The following EPB41L4A variants were observed in gnomAD, a reference collection of about 807,000 sequenced individuals.
The protein encoded by EPB41L4A is erythrocyte membrane protein band 4.1 like 4A.
EPB41L4A carries 100 observed loss-of-function variants against 108.6 expected under a neutral mutation model. The ratio of observed to expected loss-of-function variants is 0.92; its 90% CI spans 0.78 to 1.09. The LOEUF (loss-of-function observed/expected upper bound fraction) is 1.09. EPB41L4A is among the 50% of genes least tolerant of loss of function. The pLI, the probability that EPB41L4A is intolerant of heterozygous loss-of-function variation, is 0.00. For missense variants in EPB41L4A, 1,030 were observed against 842.7 expected, an observed-to-expected ratio of 1.22 and a Z score of -2.75; for synonymous variants, 319 against 289.0, an observed-to-expected ratio of 1.10 and a Z score of -1.05.
chr5:112,201,759 T>C (rs1047896927), intron 15 of EPB41L4A, among the ~76,000 whole-genome samples: 1 of 152,184 alleles, frequency 6.6e-6, no homozygotes, highest in African/African-American at 2.4e-5. Flanking sequence ...AACCAACTCT[T>C]GGTGTTCCCA....
intron 18 of EPB41L4A, among the ~76,000 whole-genome samples, chr5:112,181,391 G>T (rs956404035): frequency 6.6e-6 from 1 of 152,002 alleles, no homozygotes; most frequent in Non-Finnish European, 1.5e-5. Context: ...GGCGGAGCTT[G>T]CAGTGAGCCG....
chr5:112,365,719 C>T (rs1446891231), intron 1 of EPB41L4A, among the ~76,000 whole-genome samples: 6 of 152,194 alleles, frequency 3.9e-5, no homozygotes, highest in African/African-American at 1.4e-4. Context: ...TATCATATTA[C>T]ATTTCATCAT....
intron 1 of EPB41L4A, among the ~76,000 whole-genome samples, chr5:112,374,903 C>T (rs1164854994): frequency 6.6e-6 from 1 of 152,204 alleles, no homozygotes; most frequent in Non-Finnish European, 1.5e-5. Context: ...CTGAGTTTGA[C>T]AGCAAACTTC....
Position 112,259,254 on chromosome 5 carries a change from A to T in EPB41L4A, c.770T>A (p.Phe257Tyr). ...ATCTTTTCCCAGTACTCTGAGTTCA[A>T]ATTGAGTCTCCTTGAAGTGAACCTT... is the stretch of plus-strand genomic sequence containing the variant. ...ITKVHFKETQFELRVLGKDCN... is the reference protein window; with the variant it reads ...ITKVHFKETQYELRVLGKDCN... Residue 257 changes from phenylalanine to tyrosine, a missense_variant, in exon 9 of 23, where the codon TTT becomes TAT. Transcript: ENST00000261486. The T allele has an allele frequency of 1.9e-6, 3 of 1,613,948 alleles. No individual in the cohort carries two copies. The highest frequency in any genetic ancestry group is 1.7e-6 in the Non-Finnish European group (2 of 1,179,832).
intron 1 of EPB41L4A, among the ~76,000 whole-genome samples, chr5:112,344,757 C>G (rs539281465): frequency 3.0e-4 from 45 of 152,194 alleles, no homozygotes; most frequent in Non-Finnish European, 5.1e-4. Context: ...CTATGGAAGT[C>G]AGACTCACTG....
At chr5:112,290,349 A>G (rs1753566485) in intron 2 of EPB41L4A, among the ~76,000 whole-genome samples, 1 of 152,150 alleles carries the variant, frequency 6.6e-6, no homozygotes, top group Admixed American at 6.5e-5. Context: ...TCCTGCCAAC[A>G]TATGCCTGTC....
intron 6 of EPB41L4A, 113 bp from the exon 7 acceptor site, chr5:112,262,694 T>C (rs1751580685): frequency 6.7e-6 from 6 of 899,758 alleles, no homozygotes; most frequent in East Asian, 2.5e-5. Context: ...TTTTTACTAA[T>C]GCAAACTTAA....
chr5:112,238,225 TACTG>T (rs1465639731), intron 11 of EPB41L4A, among the ~76,000 whole-genome samples: 2 of 152,330 alleles, frequency 1.3e-5, no homozygotes, highest in Non-Finnish European at 1.5e-5. Context: ...ACAGTCCAAG[TACTG>T]ACTATTACCT....
intron 1 of EPB41L4A, among the ~76,000 whole-genome samples, chr5:112,406,455 A>G (rs1381845768): frequency 6.6e-6 from 1 of 152,184 alleles, no homozygotes; most frequent in Non-Finnish European, 1.5e-5. Context: ...GCAGTGCAAT[A>G]AGTATCATTC....
intron 17 of EPB41L4A, among the ~76,000 whole-genome samples, chr5:112,191,367 C>A (rs1469577569): frequency 6.6e-6 from 1 of 152,188 alleles, no homozygotes; most frequent in African/African-American, 2.4e-5. Flanking sequence ...TGGTTATTTA[C>A]AGTTATATTT....
chr5:112,366,187 T>C (rs867268348), intron 1 of EPB41L4A, among the ~76,000 whole-genome samples: 19 of 152,158 alleles, frequency 1.2e-4, no homozygotes, highest in African/African-American at 4.3e-4. Context: ...TAGTGACTAC[T>C]GCCCCTGCCA....
chr5:112,301,199 A>AT (rs765512707), intron 2 of EPB41L4A, among the ~76,000 whole-genome samples: 13 of 152,088 alleles, frequency 8.5e-5, no homozygotes, highest in Admixed American at 4.6e-4. Flanking sequence ...AGAGAGTATG[A>AT]TTTTTTGGGT....
chr5:112,337,601 G>A (rs1184695050), intron 1 of EPB41L4A, among the ~76,000 whole-genome samples: 2 of 152,070 alleles, frequency 1.3e-5, no homozygotes, highest in African/African-American at 4.8e-5. Flanking sequence ...ACAGTAAGTG[G>A]GAGGACAGCA....
chr5:112,185,092 CTTT>C (rs34741856), intron 17 of EPB41L4A, among the ~76,000 whole-genome samples: 47 of 142,410 alleles, frequency 3.3e-4, no homozygotes, highest in Non-Finnish European at 3.4e-4. Context: ...GCTGTGAAGC[CTTT>C]TTTTTTTTTT....
intron 18 of EPB41L4A, among the ~76,000 whole-genome samples, chr5:112,175,896 G>T (rs1760836900): frequency 6.6e-6 from 1 of 152,056 alleles, no homozygotes; most frequent in African/African-American, 2.4e-5. Context: ...CTCCCAAGTA[G>T]CTGGGACTAC....
chr5:112,181,247 C>G (rs144524622), intron 18 of EPB41L4A, among the ~76,000 whole-genome samples: 4 of 151,130 alleles, frequency 2.6e-5, no homozygotes, highest in Admixed American at 2.0e-4. Flanking sequence ...GTCAGGAGAT[C>G]GAGACCATCC....
At chr5:112,380,106 C>G (rs143153530) in intron 1 of EPB41L4A, among the ~76,000 whole-genome samples, 47 of 152,262 alleles carry the variant, frequency 3.1e-4, no homozygotes, top group African/African-American at 1.1e-3. Context: ...TCTTGGAGAG[C>G]TTAGCCCTAC....
chr5:112,190,713 C>T (rs79844496), intron 17 of EPB41L4A, among the ~76,000 whole-genome samples: 4 of 152,278 alleles, frequency 2.6e-5, no homozygotes, highest in African/African-American at 7.2e-5. Context: ...TACCTCCCCC[C>T]ACTCCCTGCC....
intron 9 of EPB41L4A, among the ~76,000 whole-genome samples, chr5:112,243,659 C>A (rs1337013778): frequency 1.3e-5 from 2 of 152,194 alleles, no homozygotes; most frequent in Non-Finnish European, 2.9e-5. Context: ...CTTGCTGCAG[C>A]TTCTAAATCA....
Sources: allele counts gnomAD v4.1 joint callset (sites outside exome capture counted in the v4.1 genomes callset), GRCh38; gene constraint gnomAD v4.1.1; transcripts MANE v1.5; gene names NCBI Gene and HGNC (gene_info 2026-07-23, HGNC 2026-07-21).